Variants in SLC9A8 observed in about 807,000 individuals in gnomAD.
The protein encoded by SLC9A8 is solute carrier family 9 member A8.
Under a neutral mutation model 66.6 loss-of-function variants are expected in SLC9A8, and 48 were observed. The ratio of observed to expected loss-of-function variants is 0.72; its 90% CI spans 0.57 to 0.92. SLC9A8 has a LOEUF of 0.92. Ranked by LOEUF, SLC9A8 falls within the 40% of genes least tolerant of loss-of-function variation. The probability of loss-of-function intolerance (pLI) is 0.00; values close to 1 mark genes in which losing one functional copy is unlikely to be tolerated. For synonymous variants in SLC9A8, 274 were observed against 282.6 expected, an observed-to-expected ratio of 0.97 and a Z score of 0.31; for missense variants, 599 against 747.3, an observed-to-expected ratio of 0.80 and a Z score of 2.31.
chr20:49,817,654 C>T (rs1256264705), intron 2 of SLC9A8, among the ~76,000 whole-genome samples: 1 of 151,968 alleles, frequency 6.6e-6, no homozygotes, highest in African/African-American at 2.4e-5. Context: ...TTTAATAATA[C>T]GGTCTTTTTA....
rs1478464690 is a variant in SLC9A8, at chr20:49,815,242, C to T, written c.208+53C>T. 2.2e-5 allele frequency: 31 copies of T among 1,427,892 alleles called. No homozygotes were observed. In the South Asian group the frequency reaches 2.3e-4, roughly 11 times the overall value. The allele number at this position is 1,427,892 out of a possible 1,614,324, so 88.5% of individuals were successfully genotyped here. ...ATCTGCCATCCCGTGTCTGTGTGCT[C>T]GGTCTGTGTGTTTAACCCTGTCACT... On this transcript the variant is annotated intron_variant, in intron 2 of 15. Transcript: ENST00000361573.
intron 14 of SLC9A8, among the ~76,000 whole-genome samples, chr20:49,884,327 CACACACACACCCCCCG>C (rs2089801898): frequency 6.9e-6 from 1 of 145,842 alleles, no homozygotes; most frequent in Non-Finnish European, 1.5e-5. Flanking sequence ...CACACACACA[CACACACACACCCCCCG>C]GTCATCCCCC....
chr20:49,872,078 C>T (rs1258180557), intron 10 of SLC9A8, among the ~76,000 whole-genome samples: 4 of 152,136 alleles, frequency 2.6e-5, no homozygotes, highest in Non-Finnish European at 5.9e-5. Context: ...GAGATGGCAC[C>T]ATTGCACTCC....
At chr20:49,820,963 G>A (rs1250896805) in intron 2 of SLC9A8, among the ~76,000 whole-genome samples, 2 of 152,066 alleles carry the variant, frequency 1.3e-5, no homozygotes, top group South Asian at 2.1e-4. Flanking sequence ...TCCTATGCCC[G>A]TTTAAAAGCT....
In SLC9A8 at chr20:49,889,425, A is replaced by C. The variant is rs1291740155; in HGVS notation, c.*1489A>C. On this transcript the variant is annotated 3_prime_UTR_variant, in exon 16 of 16. Transcript: ENST00000361573. ...ATGGACCCTGGGCTAGAGCAAGCAC[A>C]TCTCCATCTCTTCCACCTCAGGCAG... is the stretch of plus-strand genomic sequence containing the variant. 2 of 152,404 alleles carry C rather than the reference A, an allele frequency of 1.3e-5. No individual in the cohort carries two copies. The highest frequency in any genetic ancestry group is 3.9e-4 in the East Asian group (2 of 5,184). The allele number at this position is 152,404 out of a possible 1,614,324, so 9.4% of individuals were successfully genotyped here.
At chr20:49,837,309 A>G (rs2087576780) in intron 3 of SLC9A8, among the ~76,000 whole-genome samples, 1 of 152,176 alleles carries the variant, frequency 6.6e-6, no homozygotes, top group Admixed American at 6.5e-5. Context: ...ACATGTCGTC[A>G]GGACCTCCTG....
chr20:49,842,810 A>G (rs1025816545), intron 4 of SLC9A8, among the ~76,000 whole-genome samples: 1 of 152,250 alleles, frequency 6.6e-6, no homozygotes, highest in African/African-American at 2.4e-5. Flanking sequence ...TCTGGAGGCC[A>G]GAAGTGAGAA....
intron 3 of SLC9A8, among the ~76,000 whole-genome samples, chr20:49,834,142 T>TCTCTCTCTCTCTCTCC: frequency 2.5e-5 from 1 of 40,390 alleles, no homozygotes; most frequent in African/African-American, 1.5e-4. Context: ...TTAGCTTGTC[T>TCTCTCTCTCTCTCTCC]CTCTCTCTCT....
chr20:49,864,661 A>G (rs2088888420), intron 9 of SLC9A8, 78 bp from the exon 10 acceptor site: 2 of 923,550 alleles, frequency 2.2e-6, no homozygotes, highest in Admixed American at 1.7e-5. Flanking sequence ...ATATATTTGG[A>G]AAGCAGCAGT....
intron 3 of SLC9A8, among the ~76,000 whole-genome samples, chr20:49,834,649 G>T (rs1399274975): frequency 1.3e-5 from 2 of 151,498 alleles, no homozygotes; most frequent in African/African-American, 4.8e-5. Flanking sequence ...CTGCACAAAG[G>T]ATTATTTAAG....
At chr20:49,881,334 G>A (rs1164456243) in intron 13 of SLC9A8, among the ~76,000 whole-genome samples, 3 of 150,908 alleles carry the variant, frequency 2.0e-5, no homozygotes, top group African/African-American at 4.9e-5. Flanking sequence ...GCAGCTGGGC[G>A]TGCTTCAGCG....
intron 12 of SLC9A8, among the ~76,000 whole-genome samples, chr20:49,880,447 A>G (rs2089585213): frequency 6.6e-6 from 1 of 152,100 alleles, no homozygotes; most frequent in African/African-American, 2.4e-5. Flanking sequence ...GTTTCCATGC[A>G]TGGGAGGTCC....
chr20:49,882,889 C>T (rs896657499), intron 13 of SLC9A8, among the ~76,000 whole-genome samples: 5 of 152,166 alleles, frequency 3.3e-5, no homozygotes, highest in African/African-American at 9.7e-5. Context: ...CTTGCCCTGC[C>T]GTCTCCCCAT....
chr20:49,884,338 C>CACACACACACACACACACA lies in SLC9A8; in HGVS notation c.1491+272_1491+273insACACACACACACACACACA, dbSNP rs1600823664. 6.4e-3 allele frequency among the ~76,000 whole-genome samples: 286 copies of CACACACACACACACACACA among 44,572 alleles called. 97 individuals are homozygous for CACACACACACACACACACA. Among genetic ancestry groups the CACACACACACACACACACA allele is most frequent in the African/African-American group, 0.014 (147 of 10,798 alleles). The allele number at this position is 44,572 out of a possible 152,430, so 29.2% of individuals were successfully genotyped here. ...CACACACACACACACACACACACACCCCCCGGTCATCCCCCCTGAGAAGGA... is the reference window on the plus strand; with the variant it reads ...CACACACACACACACACACACACACCACACACACACACACACACACCCCGGTCATCCCCCCTGAGAAGGA... On this transcript the variant is annotated intron_variant, in intron 14 of 15. Transcript: ENST00000361573.
At chr20:49,817,114 G>A (rs561615794) in intron 2 of SLC9A8, among the ~76,000 whole-genome samples, 54 of 151,418 alleles carry the variant, frequency 3.6e-4, no homozygotes, top group African/African-American at 1.3e-3. Context: ...TCAGGAGTTC[G>A]AGACCAGCCT....
chr20:49,854,837 G>A (rs1358736800), intron 7 of SLC9A8, among the ~76,000 whole-genome samples: 4 of 152,282 alleles, frequency 2.6e-5, no homozygotes, highest in South Asian at 2.1e-4. Context: ...CCTGAAACAT[G>A]TTAGACAATC....
intron 4 of SLC9A8, among the ~76,000 whole-genome samples, chr20:49,842,064 T>A (rs113942369): frequency 0.11 from 16,327 of 148,086 alleles, 1,191 homozygotes; most frequent in Non-Finnish European, 0.17. Flanking sequence ...ATTTTATTTT[T>A]TTTTTTTTGC....
intron 15 of SLC9A8, among the ~76,000 whole-genome samples, chr20:49,887,347 G>GA (rs1029915374): frequency 1.3e-5 from 2 of 152,092 alleles, no homozygotes; most frequent in African/African-American, 4.8e-5. Flanking sequence ...TTTCCGAGCA[G>GA]GCCCATTTTC....
At chr20:49,847,488 TG>T (rs2088050496) in intron 5 of SLC9A8, among the ~76,000 whole-genome samples, 1 of 151,504 alleles carries the variant, frequency 6.6e-6, no homozygotes, top group Non-Finnish European at 1.5e-5. Flanking sequence ...CAGCAGGAAA[TG>T]TGACAATTTA....
Sources: allele counts gnomAD v4.1 joint callset (sites outside exome capture counted in the v4.1 genomes callset), GRCh38; gene constraint gnomAD v4.1.1; transcripts MANE v1.5; gene names NCBI Gene and HGNC (gene_info 2026-07-23, HGNC 2026-07-21).